DLGAP1: variants seen among roughly 807,000 people sequenced by gnomAD.
DLGAP1 encodes disks large-associated protein 1.
DLGAP1 carries 11 observed loss-of-function variants against 90.8 expected under a neutral mutation model. The observed-to-expected ratio is 0.12, with a 90% CI of 0.08 to 0.20. The LOEUF is 0.20. Among genes scored for constraint, DLGAP1 ranks in the 10% least tolerant of loss-of-function variants. DLGAP1 has a pLI of 1.00. For missense variants in DLGAP1, 1,050 were observed against 1,333.8 expected (o/e 0.79, Z 3.31); for synonymous variants, 558 against 540.7 (o/e 1.03, Z -0.44).
At chr18:4,323,907 C>T (rs1251166101) in intron 1 of DLGAP1, among the ~76,000 whole-genome samples, 1 of 152,064 alleles carries the variant, frequency 6.6e-6, no homozygotes, top group Non-Finnish European at 1.5e-5. Flanking sequence ...ATCTAACGTT[C>T]ACCTCAAAAA....
In DLGAP1 at chr18:3,998,135, C is replaced by T. The variant is rs147333306; in HGVS notation, c.-73+6981G>A. 5.3e-3 allele frequency among the ~76,000 whole-genome samples: 814 copies of T among 152,260 alleles called. 9 individuals are homozygous for T. The highest frequency in any genetic ancestry group is 8.6e-3 in the Non-Finnish European group (585 of 68,000). ...TAATTCATTAAAGGTTGCAAAATGG[C>T]AATACTCAAATTTTAAAATTCCTTC... is the stretch of plus-strand genomic sequence containing the variant. On this transcript the variant is annotated intron_variant, in intron 3 of 12. Coordinates refer to ENST00000315677, the MANE Select transcript of DLGAP1 (RefSeq NM_004746.4).
intron 2 of DLGAP1, among the ~76,000 whole-genome samples, chr18:4,039,885 T>C (rs1246370816): frequency 2.0e-5 from 3 of 152,232 alleles, no homozygotes; most frequent in African/African-American, 7.2e-5. Flanking sequence ...ACATTGCAAA[T>C]GATAGCTTTA....
chr18:4,323,884 C>T (rs757381223), intron 1 of DLGAP1, among the ~76,000 whole-genome samples: 9 of 151,948 alleles, frequency 5.9e-5, no homozygotes, highest in African/African-American at 1.2e-4. Flanking sequence ...GTGTTAACAA[C>T]GAAGTTTATA....
At chr18:3,790,411 G>A (rs1009904967) in intron 5 of DLGAP1, among the ~76,000 whole-genome samples, 3 of 151,904 alleles carry the variant, frequency 2.0e-5, no homozygotes, top group Non-Finnish European at 2.9e-5. Flanking sequence ...GGGTCCACAG[G>A]TGTGCATCAC....
At chr18:3,741,020 C>CCACCACCACCACCACCATCACCT (rs1598535629) in intron 6 of DLGAP1, among the ~76,000 whole-genome samples, 10 of 75,014 alleles carry the variant, frequency 1.3e-4, no homozygotes, top group African/African-American at 3.6e-4. Context: ...ACCACCATCA[C>CCACCACCACCACCACCATCACCT]CACCACCACC....
intron 2 of DLGAP1, among the ~76,000 whole-genome samples, chr18:4,089,866 A>G (rs1207800142): frequency 6.6e-6 from 1 of 152,168 alleles, no homozygotes; most frequent in Non-Finnish European, 1.5e-5. Context: ...TAACACGGTG[A>G]AACCCCGTCT....
At chr18:4,402,809 A>G (rs1410800228) in intron 1 of DLGAP1, among the ~76,000 whole-genome samples, 1 of 152,160 alleles carries the variant, frequency 6.6e-6, no homozygotes, top group Non-Finnish European at 1.5e-5. Flanking sequence ...TTTTTTCACC[A>G]CATCTCTCAC....
Position 4,454,097 on chromosome 18 carries a change from G to T in DLGAP1, c.-267+909C>A, listed in dbSNP as rs895982968. On this transcript the variant is annotated intron_variant, in intron 1 of 12. Transcript: ENST00000315677. The surrounding 1 kb of genome is among the most constrained non-coding windows in gnomAD (Gnocchi z 4.7). Reference sequence around the variant, plus strand: ...GGCCACCCCTTCCCACGGCCTCCCGGTGCCACCCAGCGAGGCCGGGACAGC... The same window carrying T: ...GGCCACCCCTTCCCACGGCCTCCCGTTGCCACCCAGCGAGGCCGGGACAGC... 1.3e-5 allele frequency among the ~76,000 whole-genome samples: 2 copies of T among 152,216 alleles called. No individual in the cohort carries two copies. Among genetic ancestry groups the T allele is most frequent in the African/African-American group, 2.4e-5 (1 of 41,466 alleles).
intron 2 of DLGAP1, among the ~76,000 whole-genome samples, chr18:4,045,928 C>A (rs1253592134): frequency 6.6e-6 from 1 of 151,836 alleles, no homozygotes; most frequent in African/African-American, 2.4e-5. Context: ...GTGTGAGCCA[C>A]CTTATCTGGC....
intron 8 of DLGAP1, among the ~76,000 whole-genome samples, chr18:3,580,981 C>T (rs1443496818): frequency 1.3e-5 from 2 of 152,122 alleles, no homozygotes; most frequent in South Asian, 2.1e-4. Context: ...CTGTTATTTA[C>T]GGCTTTTTGC....
chr18:3,788,622 C>A (rs1189982065), intron 5 of DLGAP1, among the ~76,000 whole-genome samples: 1 of 152,154 alleles, frequency 6.6e-6, no homozygotes, highest in Non-Finnish European at 1.5e-5. Context: ...AAGGTCATTA[C>A]ACGTTGGCAG....
intron 7 of DLGAP1, among the ~76,000 whole-genome samples, chr18:3,714,113 C>T (rs923938457): frequency 3.3e-5 from 5 of 152,168 alleles, no homozygotes; most frequent in African/African-American, 1.2e-4. Flanking sequence ...GTTTCTTAAT[C>T]CCCTTTTTTA....
chr18:3,677,005 A>G (rs1367109974), intron 7 of DLGAP1, among the ~76,000 whole-genome samples: 1 of 152,082 alleles, frequency 6.6e-6, no homozygotes, highest in East Asian at 1.9e-4. Flanking sequence ...AATTCCACTC[A>G]TACAGTTTTC....
At chr18:4,437,885 TTATAACA>T (rs2083441105) in intron 1 of DLGAP1, among the ~76,000 whole-genome samples, 1 of 152,104 alleles carries the variant, frequency 6.6e-6, no homozygotes, top group Non-Finnish European at 1.5e-5. Context: ...AGGAATTAAC[TTATAACA>T]TATAGTAAAT....
At chr18:3,893,865 A>G (rs1157904687) in intron 3 of DLGAP1, among the ~76,000 whole-genome samples, 1 of 151,978 alleles carries the variant, frequency 6.6e-6, no homozygotes, top group East Asian at 1.9e-4. Flanking sequence ...ATTTCTCCAT[A>G]TCCTTGCCAA....
At chr18:3,987,186 G>A (rs1245675419) in intron 3 of DLGAP1, among the ~76,000 whole-genome samples, 1 of 152,100 alleles carries the variant, frequency 6.6e-6, no homozygotes, top group African/African-American at 2.4e-5. Flanking sequence ...AGAGTGCCTT[G>A]GCTTAGTGTT....
At chr18:4,419,339 G>T (rs1351143115) in intron 1 of DLGAP1, among the ~76,000 whole-genome samples, 1 of 152,020 alleles carries the variant, frequency 6.6e-6, no homozygotes, top group East Asian at 1.9e-4. Context: ...ATTTGGGTGG[G>T]TACACAGTGC....
intron 1 of DLGAP1, among the ~76,000 whole-genome samples, chr18:4,425,458 C>T (rs2083131906): frequency 2.0e-5 from 3 of 152,190 alleles, no homozygotes; most frequent in African/African-American, 7.2e-5. Context: ...TGACAGGACA[C>T]ACTGAACACA....
chr18:4,160,267 G>T (rs1264981952), intron 1 of DLGAP1, among the ~76,000 whole-genome samples: 1 of 152,092 alleles, frequency 6.6e-6, no homozygotes, highest in Non-Finnish European at 1.5e-5. Flanking sequence ...TCTTACATTT[G>T]CAAGGCATTT....
Sources: gnomAD v4.1 joint callset for allele counts (sites outside exome capture counted in the v4.1 genomes callset) on GRCh38, gnomAD v4.1.1 for gene constraint, Gnocchi (gnomAD v3.1) non-coding constraint, MANE v1.5 for transcripts, NCBI Gene and HGNC (gene_info 2026-07-23, HGNC 2026-07-21) for gene names.